Variants in HOMER2 observed in about 807,000 individuals in gnomAD.
The protein encoded by HOMER2 is homer scaffold protein 2, also known as homer protein homolog 2.
Under a neutral mutation model 47.0 loss-of-function variants are expected in HOMER2, and 27 were observed. That is an observed-to-expected ratio of 0.57 (90% CI 0.42 to 0.79). The LOEUF (loss-of-function observed/expected upper bound fraction) is 0.79. Ranked by LOEUF, HOMER2 falls within the 30% of genes least tolerant of loss-of-function variation. The pLI, the probability that HOMER2 is intolerant of heterozygous loss-of-function variation, is 0.00. For missense variants in HOMER2, 443 were observed against 435.0 expected, an observed-to-expected ratio of 1.02 and a Z score of -0.16; for synonymous variants, 161 against 163.8, an observed-to-expected ratio of 0.98 and a Z score of 0.13.
intron 2 of HOMER2, among the ~76,000 whole-genome samples, chr15:82,877,002 T>G (rs1257292949): frequency 6.6e-6 from 1 of 152,224 alleles, no homozygotes; most frequent in Non-Finnish European, 1.5e-5. Flanking sequence ...AACCTTAGCT[T>G]AGCTGGTAAA....
Position 82,849,817 on chromosome 15 carries a change from G to A in HOMER2, c.930C>T (p.His310=), listed in dbSNP as rs2051330204. The change falls in exon 9 of 9, where the codon CAC becomes CAT. Residue 310 remains histidine (H), a synonymous_variant. Coordinates refer to ENST00000450735, the MANE Select transcript of HOMER2 (RefSeq NM_004839.4). ...DIEESKYRQR[H]LKVELKSFLE... ...GGAAGCTCTTCAACTCCACCTTCAG[G>A]TGGCGCTGTCGGTATTTGCTCTCCT... 1 of 1,613,982 alleles carries A rather than the reference G, an allele frequency of 6.2e-7. No individual in the cohort carries two copies. The highest frequency in any genetic ancestry group is 1.3e-5 in the African/African-American group (1 of 75,028).
At chr15:82,960,708 T>C (rs2054623676) in intron 1 of HOMER2, among the ~76,000 whole-genome samples, 1 of 152,198 alleles carries the variant, frequency 6.6e-6, no homozygotes, top group Admixed American at 6.5e-5. Flanking sequence ...CTACAGATGG[T>C]GTGGCTGGCA....
rs2053849383 is a variant in HOMER2 at position 82,926,217 on chromosome 15, T to TG, written c.5+26313dup. 2.6e-5 allele frequency: 4 copies of TG among 152,410 alleles called. No homozygotes were observed. In the East Asian group the frequency reaches 7.7e-4, roughly 29 times the overall value. 9.4% of individuals were successfully genotyped at this position (152,410 alleles called of 1,614,324 possible). A position where few individuals can be genotyped will look rare whatever the true frequency, so the allele number is the denominator to read the frequency against. On this transcript the variant is annotated intron_variant, in intron 1 of 8. Coordinates refer to ENST00000450735, the MANE Select transcript of HOMER2 (RefSeq NM_004839.4). The stretch of plus-strand genomic sequence containing the variant: ...AGAAATTTATTTCTCACAGTTCTGA[T>TG]GAGAGGTCCAAAGTCAAGGTGCCAG...
intron 1 of HOMER2, among the ~76,000 whole-genome samples, chr15:82,970,600 T>G (rs1052812410): frequency 6.6e-6 from 1 of 152,238 alleles, no homozygotes; most frequent in Non-Finnish European, 1.5e-5. Flanking sequence ...TAGTTGTGTT[T>G]GCTATTATTA....
intron 1 of HOMER2, among the ~76,000 whole-genome samples, chr15:82,900,299 T>A (rs28490234): frequency 7.9e-5 from 12 of 152,012 alleles, no homozygotes; most frequent in African/African-American, 2.7e-4. Flanking sequence ...ACCCATTTTT[T>A]AAAAAACCCA....
intron 1 of HOMER2, among the ~76,000 whole-genome samples, chr15:82,943,736 G>T (rs1948065363): frequency 6.6e-6 from 1 of 152,228 alleles, no homozygotes. Context: ...ACAAAAGGAG[G>T]ACTAAAGGCA....
At chr15:82,919,769 C>G (rs1365100448) in intron 1 of HOMER2, among the ~76,000 whole-genome samples, 1 of 152,226 alleles carries the variant, frequency 6.6e-6, no homozygotes, top group Non-Finnish European at 1.5e-5. Context: ...CCAATGTCAA[C>G]AGCAGAGTGC....
intron 1 of HOMER2, among the ~76,000 whole-genome samples, chr15:82,903,448 A>T (rs2053191229): frequency 6.6e-6 from 1 of 150,830 alleles, no homozygotes; most frequent in Non-Finnish European, 1.5e-5. Context: ...CCCTGTCTCT[A>T]CTAAAAATAC....
At chr15:82,968,754 T>C (rs559452808) in intron 1 of HOMER2, among the ~76,000 whole-genome samples, 1 of 152,344 alleles carries the variant, frequency 6.6e-6, no homozygotes, top group African/African-American at 2.4e-5. Flanking sequence ...TAACAAAATA[T>C]GGTCCTTTTC....
intron 1 of HOMER2, among the ~76,000 whole-genome samples, chr15:82,928,940 T>TAAAAAAAAAAAAAACAA (rs2053927040): frequency 2.5e-5 from 1 of 39,942 alleles, no homozygotes; most frequent in Non-Finnish European, 4.0e-5. Flanking sequence ...AAATAAAAAC[T>TAAAAAAAAAAAAAACAA]AAAAAAAAAA....
chr15:82,899,734 A>G (rs553952530), intron 1 of HOMER2, among the ~76,000 whole-genome samples: 1 of 152,294 alleles, frequency 6.6e-6, no homozygotes, highest in Non-Finnish European at 1.5e-5. Context: ...AATATAACAG[A>G]TTGTCTGGCC....
chr15:82,953,661 C>T (rs548415681), upstream of HOMER2, among the ~76,000 whole-genome samples: 1 of 152,286 alleles, frequency 6.6e-6, no homozygotes, highest in African/African-American at 2.4e-5. Context: ...ATCACGAGGT[C>T]TGGAGATCGA....
At chr15:82,892,148 A>T (rs546350472) in intron 2 of HOMER2, among the ~76,000 whole-genome samples, 1 of 152,330 alleles carries the variant, frequency 6.6e-6, no homozygotes, top group Non-Finnish European at 1.5e-5. Flanking sequence ...TCCTATGCCT[A>T]ATAACACCAA....
intron 1 of HOMER2, among the ~76,000 whole-genome samples, chr15:82,920,860 T>C (rs1314038269): frequency 6.6e-6 from 1 of 152,110 alleles, no homozygotes; most frequent in African/African-American, 2.4e-5. Flanking sequence ...TTTTTTTTTT[T>C]TTTTAAGACA....
chr15:82,937,706 G>C (rs958112823), intron 1 of HOMER2, among the ~76,000 whole-genome samples: 5 of 152,162 alleles, frequency 3.3e-5, no homozygotes, highest in African/African-American at 1.2e-4. Context: ...TGAGGGCAAA[G>C]AGGTGACCAA....
intron 1 of HOMER2, among the ~76,000 whole-genome samples, chr15:82,977,481 G>T (rs2030245854): frequency 6.6e-6 from 1 of 152,210 alleles, no homozygotes; most frequent in Non-Finnish European, 1.5e-5. Context: ...TCTGCTCAGA[G>T]AAAACTTTTA....
At chr15:82,899,266 C>T (rs1441798650) in intron 1 of HOMER2, among the ~76,000 whole-genome samples, 7 of 152,254 alleles carry the variant, frequency 4.6e-5, no homozygotes, top group Non-Finnish European at 7.3e-5. Context: ...ATCCTCGCTT[C>T]ACTGTCCCTT....
chr15:82,918,178 G>A (rs530794083), intron 1 of HOMER2, among the ~76,000 whole-genome samples: 1 of 152,234 alleles, frequency 6.6e-6, no homozygotes, highest in African/African-American at 2.4e-5. Flanking sequence ...TCTAACGCTT[G>A]ACCCTAGGGA....
intron 2 of HOMER2, 139 bp from the exon 3 acceptor site, chr15:82,875,543 GGAACAACCCATGCTGAGTCAGAT>G (rs1219727365): frequency 4.8e-6 from 4 of 827,122 alleles, no homozygotes; most frequent in East Asian, 2.7e-5. Flanking sequence ...GCGTTCTCCT[GGAACAACCCATGCTGAGTCAGAT>G]GAACAACCCA....
Sources: allele counts gnomAD v4.1 joint callset (sites outside exome capture counted in the v4.1 genomes callset), GRCh38; gene constraint gnomAD v4.1.1; transcripts MANE v1.5; gene names NCBI Gene and HGNC (gene_info 2026-07-23, HGNC 2026-07-21).